CFAP251: variants seen among roughly 807,000 people sequenced by gnomAD.
CFAP251 encodes cilia and flagella associated protein 251.
In CFAP251, 93 loss-of-function variants were observed where a neutral mutation model predicts 126.7. The ratio of observed to expected loss-of-function variants is 0.73; its 90% CI spans 0.62 to 0.87. CFAP251 has a LOEUF of 0.87. Among genes scored for constraint, CFAP251 ranks in the 40% least tolerant of loss-of-function variants. The pLI, the probability that CFAP251 is intolerant of heterozygous loss-of-function variation, is 0.00. For synonymous variants in CFAP251, 503 were observed against 506.9 expected, an observed-to-expected ratio of 0.99 and a Z score of 0.10; for missense variants, 1,287 against 1,389.2, an observed-to-expected ratio of 0.93 and a Z score of 1.17.
chr12:121,936,593 C>T (rs370611898), intron 5 of CFAP251, among the ~76,000 whole-genome samples: 7 of 152,158 alleles, frequency 4.6e-5, no homozygotes, highest in African/African-American at 1.4e-4. Flanking sequence ...GTGTGACAGC[C>T]GTCAAGCAGG....
At chr12:121,960,497 C>T (rs1273934868) in intron 13 of CFAP251, 88 bp from the exon 14 acceptor site, 15 of 1,452,956 alleles carry the variant, frequency 1.0e-5, no homozygotes, top group African/African-American at 1.4e-5. Flanking sequence ...GGATTACAGG[C>T]GTGAGCCACC....
intron 1 of CFAP251, among the ~76,000 whole-genome samples, chr12:121,919,140 A>ATT (rs1330222567): frequency 0.029 from 1,915 of 65,610 alleles, 29 homozygotes; most frequent in African/African-American, 0.075. Flanking sequence ...TATTATTATT[A>ATT]TTATTTTTTT....
chr12:121,957,737 A>C (rs1182620532), intron 11 of CFAP251, among the ~76,000 whole-genome samples: 2 of 151,014 alleles, frequency 1.3e-5, no homozygotes, highest in African/African-American at 4.9e-5. Flanking sequence ...ATGAAACATG[A>C]CTTTAATATT....
chr12:121,922,086 C>T (rs1346312628), intron 2 of CFAP251, among the ~76,000 whole-genome samples: 6 of 148,308 alleles, frequency 4.0e-5, no homozygotes, highest in Non-Finnish European at 8.9e-5. Flanking sequence ...CACGCCACCA[C>T]GCCCGGCCAC....
At chr12:121,948,043 G>A (rs1352806179) in intron 7 of CFAP251, 1 of 152,162 alleles carries the variant, frequency 6.6e-6, no homozygotes, top group East Asian at 1.9e-4. Context: ...TCCCCAGGCT[G>A]TAGCCACCCA....
chr12:121,948,990 G>T lies in CFAP251; in HGVS notation c.1198G>T (p.Val400Phe). Reference sequence around the variant, plus strand: ...TTCATACTTTATATTTCAGAACTACGTTACTTTTAACCCAACAAATAATAA... The same window carrying T: ...TTCATACTTTATATTTCAGAACTACTTTACTTTTAACCCAACAAATAATAA... ...LPTEYGVQNYVTFNPTNNKEL... is the reference protein window; with the variant it reads ...LPTEYGVQNYFTFNPTNNKEL... The change falls in exon 8 of 22, where the codon GTT (valine) becomes TTT (phenylalanine). Residue 400 changes from valine to phenylalanine, a missense_variant. Val to Phe is a conservative substitution (Grantham distance 50, BLOSUM62 -1). Coordinates refer to ENST00000288912, the MANE Select transcript of CFAP251 (RefSeq NM_144668.6). 6.4e-7 allele frequency: 1 copy of T among 1,560,482 alleles called. No homozygotes were observed. Among genetic ancestry groups the T allele is most frequent in the Admixed American group, 1.8e-5 (1 of 54,310 alleles).
At chr12:121,963,837 C>G in intron 15 of CFAP251, among the ~76,000 whole-genome samples, 1 of 151,604 alleles carries the variant, frequency 6.6e-6, no homozygotes, top group East Asian at 1.9e-4. Context: ...ACCCCATCCT[C>G]TACTCAGCGC....
At chr12:121,976,629 G>C (rs1214297217) in intron 19 of CFAP251, among the ~76,000 whole-genome samples, 1 of 152,182 alleles carries the variant, frequency 6.6e-6, no homozygotes, top group African/African-American at 2.4e-5. Context: ...AGGTAAGCCG[G>C]TTGTGGCAGC....
In CFAP251 at chr12:121,923,748, C is replaced by A. The variant is rs1880286654; in HGVS notation, c.505C>A (p.Gln169Lys). ...TTTGGATCAAATCAGTCCTGAGGAACAACAGATTAGTTCCCCTGAAAGGCA... is the reference window on the plus strand; with the variant it reads ...TTTGGATCAAATCAGTCCTGAGGAAAAACAGATTAGTTCCCCTGAAAGGCA... Reference protein sequence around the residue: ...LDLDQISPEEQQISSPERQPS... With the variant: ...LDLDQISPEEKQISSPERQPS... Residue 169 changes from glutamine to lysine, a missense_variant, in exon 3 of 22, where the codon CAA becomes AAA. Transcript: ENST00000288912. 1 of 1,611,960 alleles carries A rather than the reference C, an allele frequency of 6.2e-7. No homozygotes were observed. Among genetic ancestry groups the A allele is most frequent in the Non-Finnish European group, 8.5e-7 (1 of 1,178,944 alleles).
chr12:121,945,532 A>G (rs1348858219), intron 7 of CFAP251, among the ~76,000 whole-genome samples: 1 of 150,028 alleles, frequency 6.7e-6, no homozygotes, highest in African/African-American at 2.5e-5. Flanking sequence ...TTTAGTACAG[A>G]TGGGGTTTCA....
At chr12:121,958,600 G>A in intron 12 of CFAP251, 78 bp downstream of exon 12, 1 of 1,579,634 alleles carries the variant, frequency 6.3e-7, no homozygotes, top group Non-Finnish European at 8.6e-7. Flanking sequence ...GGCTGGCATA[G>A]CTCCAGGAAG....
Position 122,001,546 on chromosome 12 carries a change from T to G in CFAP251, c.3285T>G (p.Phe1095Leu), listed in dbSNP as rs2135821599. ...EEMLDCFASL[F>L]GLNPEGWKSE... is the part of the protein sequence containing the mutation. ...TGTTGGATTGCTTTGCTTCACTGTT[T>G]GGCCTGAATCCCGAGGGATGGAAAT... The change falls in exon 21 of 22, where the codon TTT becomes TTG. Residue 1095 changes from phenylalanine (F) to leucine (L), a missense_variant. Transcript: ENST00000288912. 1 of 1,614,168 alleles carries G rather than the reference T, an allele frequency of 6.2e-7. No homozygotes were observed. The highest frequency in any genetic ancestry group is 8.5e-7 in the Non-Finnish European group (1 of 1,180,024).
At chr12:121,993,424 G>A (rs1422289119) in intron 19 of CFAP251, among the ~76,000 whole-genome samples, 3 of 145,154 alleles carry the variant, frequency 2.1e-5, no homozygotes, top group Non-Finnish European at 3.0e-5. Context: ...CTGCCTGGCC[G>A]CCCATCGTCG....
At chr12:121,934,769 T>C (rs1187724609) in intron 5 of CFAP251, among the ~76,000 whole-genome samples, 1 of 152,244 alleles carries the variant, frequency 6.6e-6, no homozygotes, top group Non-Finnish European at 1.5e-5. Flanking sequence ...CTGCTGTTTC[T>C]CTGCAGTCTC....
At chr12:121,976,314 T>C (rs903549319) in intron 19 of CFAP251, among the ~76,000 whole-genome samples, 1 of 151,986 alleles carries the variant, frequency 6.6e-6, no homozygotes, top group Non-Finnish European at 1.5e-5. Context: ...CGGCCAGCCT[T>C]ATAGGATTTG....
chr12:121,944,279 C>T (rs1331666216), intron 7 of CFAP251, among the ~76,000 whole-genome samples: 1 of 152,148 alleles, frequency 6.6e-6, no homozygotes, highest in Non-Finnish European at 1.5e-5. Flanking sequence ...GGTTATGCAG[C>T]CATATGTCCA....
intron 5 of CFAP251, 31 bp downstream of exon 5, chr12:121,934,387 C>A: frequency 6.5e-7 from 1 of 1,528,476 alleles, no homozygotes; most frequent in South Asian, 1.1e-5. Context: ...TCTTTTTTCC[C>A]TGAATTTCTG....
chr12:121,999,718 T>A lies in CFAP251; in HGVS notation c.3009T>A (p.Ile1003=). 1 of 1,602,286 alleles carries A rather than the reference T, an allele frequency of 6.2e-7. No homozygotes were observed. Among genetic ancestry groups the A allele is most frequent in the Non-Finnish European group, 8.5e-7 (1 of 1,170,220 alleles). ...TTTTTTCCCCATCTTTCCCCTAGAT[T>A]GATGATATATTTAACGAAATCAAAT... ...AIGFYPSEEK[I]DDIFNEIKFG... The change falls in exon 20 of 22, where the codon ATT becomes ATA. Residue 1003 remains isoleucine (I), a splice_region_variant and synonymous_variant. Transcript: ENST00000288912.
intron 10 of CFAP251, among the ~76,000 whole-genome samples, chr12:121,956,158 C>A (rs971985236): frequency 6.6e-6 from 1 of 152,198 alleles, no homozygotes; most frequent in Non-Finnish European, 1.5e-5. Flanking sequence ...TGCCTTCTGC[C>A]GTGATGACTG....
Sources: gnomAD v4.1 joint callset for allele counts (sites outside exome capture counted in the v4.1 genomes callset) on GRCh38, gnomAD v4.1.1 for gene constraint, MANE v1.5 for transcripts, NCBI Gene and HGNC (gene_info 2026-07-23, HGNC 2026-07-21) for gene names.